AFF2: variants seen among roughly 807,000 people sequenced by gnomAD.
The protein encoded by AFF2 is ALF transcription elongation factor 2.
AFF2 carries 14 observed loss-of-function variants against 76.9 expected under a neutral mutation model. The observed-to-expected ratio is 0.18, with a 90% confidence interval of 0.12 to 0.28. The LOEUF is 0.28. Ranked by LOEUF, AFF2 falls within the 10% of genes least tolerant of loss-of-function variation. The pLI is 1.00. For synonymous variants in AFF2, 398 were observed against 366.7 expected (o/e 1.09, Z -0.98); for missense variants, 868 against 1,001.1 (o/e 0.87, Z 1.79).
At chrX:148,713,165 G>T (rs1004603577) in intron 3 of AFF2, among the ~76,000 whole-genome samples, 48 of 111,225 alleles carry the variant, frequency 4.3e-4, no homozygotes, top group South Asian at 3.8e-4. Flanking sequence ...AGTACTCAAA[G>T]GGGAGAATGG....
chrX:148,857,244 T>C (rs1557275979), intron 7 of AFF2, among the ~76,000 whole-genome samples: 1 of 111,616 alleles, frequency 9.0e-6, no homozygotes, highest in African/African-American at 3.2e-5. Context: ...CCCATACTCG[T>C]AAGCACTAAG....
chrX:148,908,364 C>T (rs188224816), intron 9 of AFF2, among the ~76,000 whole-genome samples: 133 of 111,938 alleles, frequency 1.2e-3, no homozygotes, highest in Middle Eastern at 4.6e-3. Flanking sequence ...TAAAGACAGG[C>T]GTAAGAAATT....
At chrX:148,977,486 A>G (rs781907438) in intron 16 of AFF2, among the ~76,000 whole-genome samples, 1 of 110,895 alleles carries the variant, frequency 9.0e-6, no homozygotes, top group Admixed American at 9.6e-5. Flanking sequence ...TGTCAGACAT[A>G]GTTATATATT....
chrX:148,593,095 T>A (rs1485811490), intron 1 of AFF2, among the ~76,000 whole-genome samples: 1 of 112,139 alleles, frequency 8.9e-6, no homozygotes, highest in African/African-American at 3.2e-5. Context: ...GACATCCTCA[T>A]GTGTTCAGGA....
intron 1 of AFF2, among the ~76,000 whole-genome samples, chrX:148,597,473 A>G (rs2053584836): frequency 8.9e-6 from 1 of 112,199 alleles, no homozygotes. Flanking sequence ...ATTGATCAGG[A>G]TCATAAAATA....
At chrX:148,568,034 T>C (rs2053187409) in intron 1 of AFF2, among the ~76,000 whole-genome samples, 1 of 110,193 alleles carries the variant, frequency 9.1e-6, no homozygotes, top group Non-Finnish European at 1.9e-5. Context: ...TCATTGGGAG[T>C]TGGGGACATC....
At chrX:148,905,179 A>T (rs1557281311) in intron 9 of AFF2, among the ~76,000 whole-genome samples, 1 of 112,395 alleles carries the variant, frequency 8.9e-6, no homozygotes, top group African/African-American at 3.2e-5. Flanking sequence ...TAAAATAACT[A>T]AATTTCCAGA....
intron 3 of AFF2, among the ~76,000 whole-genome samples, chrX:148,805,957 G>A (rs1181754838): frequency 5.3e-5 from 6 of 112,516 alleles, no homozygotes; most frequent in African/African-American, 1.6e-4. Context: ...AGGAGGGGGC[G>A]GAGAGGGGGA....
chrX:148,519,421 G>T (rs1557234239), intron 1 of AFF2, among the ~76,000 whole-genome samples: 1 of 112,358 alleles, frequency 8.9e-6, no homozygotes, highest in Admixed American at 9.4e-5. Flanking sequence ...GAAATCACTT[G>T]CAGCAATTTC....
chrX:148,768,490 A>G (rs781889879), intron 3 of AFF2, among the ~76,000 whole-genome samples: 8 of 110,562 alleles, frequency 7.2e-5, no homozygotes, highest in East Asian at 5.8e-4. Context: ...CTTGCTGACA[A>G]TTTTATGGAG....
intron 9 of AFF2, among the ~76,000 whole-genome samples, chrX:148,938,225 C>T (rs1339515075): frequency 8.9e-6 from 1 of 111,869 alleles, no homozygotes; most frequent in Non-Finnish European, 1.9e-5. Context: ...ATTAACTCGA[C>T]CTGAATACCT....
At chrX:148,796,466 A>G (rs1483351452) in intron 3 of AFF2, among the ~76,000 whole-genome samples, 2 of 112,370 alleles carry the variant, frequency 1.8e-5, no homozygotes, top group Non-Finnish European at 3.8e-5. Context: ...GCCAACAGTT[A>G]GAAACCACTA....
intron 1 of AFF2, among the ~76,000 whole-genome samples, chrX:148,566,014 A>G (rs1162070689): frequency 9.0e-6 from 1 of 111,685 alleles, no homozygotes; most frequent in Non-Finnish European, 1.9e-5. Flanking sequence ...GTACATTGTC[A>G]GATGTGTATA....
At chrX:148,710,984 C>G (rs1410242468) in intron 3 of AFF2, among the ~76,000 whole-genome samples, 1 of 111,550 alleles carries the variant, frequency 9.0e-6, no homozygotes, top group East Asian at 2.8e-4. Context: ...TATTTAGAAA[C>G]CTTTTTCTGT....
At position 148,633,186 on chromosome X, in the gene AFF2, T is replaced by A. The variant is rs868944667; in HGVS notation, c.48-18813T>A. The stretch of plus-strand genomic sequence containing the variant: ...GATGGTGTAGTATTAAACTCTGAGG[T>A]CTAGTGCCTAGAGGGCAAGGGACTC... On this transcript the variant is annotated intron_variant, in intron 1 of 20. Coordinates refer to ENST00000370460, the MANE Select transcript of AFF2 (RefSeq NM_002025.4). Among the ~76,000 whole-genome samples the A allele has an allele frequency of 3.1e-4, 34 of 111,389 alleles. 1 individual carries two copies. The highest frequency in any genetic ancestry group is 1.5e-4 in the Non-Finnish European group (8 of 53,049).
At chrX:148,890,646 C>T (rs1190705302) in intron 8 of AFF2, among the ~76,000 whole-genome samples, 1 of 112,278 alleles carries the variant, frequency 8.9e-6, no homozygotes, top group Non-Finnish European at 1.9e-5. Flanking sequence ...CAATGATCTG[C>T]ACCAAGTCCT....
intron 19 of AFF2, among the ~76,000 whole-genome samples, chrX:148,985,899 T>C (rs988920807): frequency 1.8e-5 from 2 of 110,967 alleles, no homozygotes; most frequent in Non-Finnish European, 3.8e-5. Flanking sequence ...TCCAACTCTG[T>C]CCTATAGCTG....
chrX:148,643,082 G>A (rs782123839), intron 1 of AFF2, among the ~76,000 whole-genome samples: 2 of 111,532 alleles, frequency 1.8e-5, no homozygotes, highest in South Asian at 7.6e-4. Flanking sequence ...AAATGAGATT[G>A]GTTCAAGTTG....
chrX:148,788,851 G>A, intron 3 of AFF2, among the ~76,000 whole-genome samples: 1 of 111,827 alleles, frequency 8.9e-6, no homozygotes, highest in Middle Eastern at 4.6e-3. Flanking sequence ...GTTTTTTAAT[G>A]CATGAAAACA....
Sources: allele counts gnomAD v4.1 joint callset (sites outside exome capture counted in the v4.1 genomes callset), GRCh38; gene constraint gnomAD v4.1.1; transcripts MANE v1.5; gene names NCBI Gene and HGNC (gene_info 2026-07-23, HGNC 2026-07-21).